ATG16L1: variants seen among roughly 807,000 people sequenced by gnomAD.
The protein encoded by ATG16L1 is autophagy-related protein 16-1.
ATG16L1 carries 37 observed loss-of-function variants against 88.5 expected under a neutral mutation model. The ratio of observed to expected loss-of-function variants is 0.42; its 90% CI spans 0.32 to 0.55. ATG16L1 has a LOEUF of 0.55. ATG16L1 is among the 20% of genes least tolerant of loss of function. The pLI is 0.13. For synonymous variants in ATG16L1, 301 were observed against 281.0 expected (o/e 1.07, Z -0.71); for missense variants, 554 against 752.8 (o/e 0.74, Z 3.09).
chr2:233,292,481 C>A (rs1699526397), intron 16 of ATG16L1, 47 bp downstream of exon 16: 1 of 1,609,888 alleles, frequency 6.2e-7, no homozygotes, highest in Admixed American at 1.7e-5. Flanking sequence ...CACAAAGAGT[C>A]CTGCATGGGC....
At position 233,251,725 on chromosome 2, in the gene ATG16L1, G is replaced by A. The variant is rs993036024; in HGVS notation, c.-103G>A. The A allele has an allele frequency of 9.7e-7, 1 of 1,034,072 alleles. No individual in the cohort carries two copies. The highest frequency in any genetic ancestry group is 2.7e-5 in the East Asian group (1 of 37,684). 64.1% of individuals were successfully genotyped at this position (1,034,072 alleles called of 1,614,324 possible). A position where few individuals can be genotyped will look rare whatever the true frequency, so the allele number is the denominator to read the frequency against. On this transcript the variant is annotated 5_prime_UTR_variant, in exon 1 of 18. Coordinates refer to ENST00000392017, the MANE Select transcript of ATG16L1 (RefSeq NM_030803.7). ...GCCAGTGTGTGGAGGTGAGCTCCGGGATTGCCGGCATTCCCGCTTCTGCTG... is the reference window on the plus strand; with the variant it reads ...GCCAGTGTGTGGAGGTGAGCTCCGGAATTGCCGGCATTCCCGCTTCTGCTG...
chr2:233,252,156 C>T (rs922678189), intron 1 of ATG16L1, among the ~76,000 whole-genome samples: 2 of 152,250 alleles, frequency 1.3e-5, no homozygotes, highest in South Asian at 2.1e-4. Context: ...ATTGTACGAT[C>T]TTTGTGGGGA....
chr2:233,252,208 A>G (rs1696421931), intron 1 of ATG16L1, among the ~76,000 whole-genome samples: 1 of 152,248 alleles, frequency 6.6e-6, no homozygotes, highest in Non-Finnish European at 1.5e-5. Context: ...AGTAGCTCAT[A>G]CAATGCTTAT....
intron 17 of ATG16L1, among the ~76,000 whole-genome samples, chr2:233,293,660 ACT>A (rs1383672665): frequency 6.7e-6 from 1 of 150,108 alleles, no homozygotes; most frequent in Non-Finnish European, 1.5e-5. Flanking sequence ...CCCCTTCCCT[ACT>A]CTCCTTCCTT....
chr2:233,292,181 A>G lies in ATG16L1; in HGVS notation c.1484A>G (p.Asp495Gly). 6.2e-7 allele frequency: 1 copy of G among 1,614,212 alleles called. No homozygotes were observed. The highest frequency in any genetic ancestry group is 8.5e-7 in the Non-Finnish European group (1 of 1,180,040). The change falls in exon 15 of 18, where the codon GAC becomes GGC. Residue 495 changes from aspartate to glycine, a missense_variant. Around this residue, in one of 5 missense-constraint regions of ATG16L1, gnomAD observed 370 missense variants for 509.7 expected, o/e 0.73. Transcript: ENST00000392017. Reference sequence around the variant, plus strand: ...CTGTTGGGAAAGATTACTGCCCTGGACTTAAACCCAGAAAGGACTGAGCTC... The same window carrying G: ...CTGTTGGGAAAGATTACTGCCCTGGGCTTAAACCCAGAAAGGACTGAGCTC... ...MELLGKITAL[D>G]LNPERTELLS...
intron 7 of ATG16L1, 80 bp downstream of exon 7, chr2:233,273,132 G>T: frequency 8.6e-7 from 1 of 1,164,312 alleles, no homozygotes; most frequent in Non-Finnish European, 1.3e-6. Flanking sequence ...GACAAAGAAT[G>T]CAGTCAGATG....
chr2:233,281,320 A>G (rs1698706287), intron 11 of ATG16L1, 145 bp downstream of exon 11: 4 of 656,736 alleles, frequency 6.1e-6, no homozygotes, highest in Non-Finnish European at 1.0e-5. Context: ...ATGGAAATAG[A>G]TTATAGGGTT....
chr2:233,265,501 G>A (rs1449081547), intron 5 of ATG16L1, among the ~76,000 whole-genome samples: 1 of 152,014 alleles, frequency 6.6e-6, no homozygotes, highest in East Asian at 1.9e-4. Flanking sequence ...ACAGAGTCTC[G>A]CTCTGTTGCC....
At chr2:233,292,019 G>T in intron 14 of ATG16L1, 109 bp from the exon 15 acceptor site, 1 of 1,305,604 alleles carries the variant, frequency 7.7e-7, no homozygotes, top group Non-Finnish European at 1.1e-6. Flanking sequence ...GACTGCGCTG[G>T]CAGAGCGTTG....
At chr2:233,288,717 C>T (rs753023027) in intron 12 of ATG16L1, 2 of 515,778 alleles carry the variant, frequency 3.9e-6, no homozygotes, top group East Asian at 1.1e-4. Flanking sequence ...CTCAGATCCC[C>T]TCCCGGCATC....
intron 5 of ATG16L1, among the ~76,000 whole-genome samples, chr2:233,266,567 TGAC>T (rs970546572): frequency 1.1e-4 from 17 of 152,118 alleles, no homozygotes; most frequent in African/African-American, 4.1e-4. Context: ...AGTGAATAAA[TGAC>T]AATAGGAAAG....
At chr2:233,292,060 T>TC (rs1363042802) in intron 14 of ATG16L1, 68 bp from the exon 15 acceptor site, 4 of 1,561,808 alleles carry the variant, frequency 2.6e-6, no homozygotes, top group Non-Finnish European at 2.6e-6. Context: ...GCCTTTTTTT[T>TC]CCTCCACGGC....
chr2:233,294,213 C>G (rs1471679235), intron 17 of ATG16L1, 44 bp from the exon 18 acceptor site: 1 of 1,477,118 alleles, frequency 6.8e-7, no homozygotes, highest in Non-Finnish European at 9.2e-7. Flanking sequence ...GATCTCATCC[C>G]AAATGTTCTG....
Position 233,294,376 on chromosome 2 carries a change from C to A in ATG16L1, c.*26C>A. The A allele has an allele frequency of 6.3e-7, 1 of 1,585,784 alleles. No homozygotes were observed. The highest frequency in any genetic ancestry group is 1.1e-5 in the South Asian group (1 of 90,230). ...CGGGGCTCTCAGGGCTGGGAGGACC[C>A]CAGTGCCCTCCTCAGAAGAAGCACA... On this transcript the variant is annotated 3_prime_UTR_variant, in exon 18 of 18. Transcript: ENST00000392017.
chr2:233,292,318 A>G (rs766071807), intron 15 of ATG16L1, 41 bp downstream of exon 15: 2 of 1,611,114 alleles, frequency 1.2e-6, no homozygotes, highest in Non-Finnish European at 1.7e-6. Context: ...CCAGAGGCCC[A>G]GCCCTGCTCT....
chr2:233,282,577 A>G lies in ATG16L1; in HGVS notation c.1132-105A>G, dbSNP rs562188902. 5.1e-6 allele frequency: 5 copies of G among 980,878 alleles called. No individual in the cohort carries two copies. The African/African-American group carries it at 6.4e-5, about 13-fold the overall frequency. 60.8% of individuals were successfully genotyped at this position (980,878 alleles called of 1,614,324 possible). On this transcript the variant is annotated intron_variant, in intron 11 of 17. Coordinates refer to ENST00000392017, the MANE Select transcript of ATG16L1 (RefSeq NM_030803.7). Reference sequence around the variant, plus strand: ...TATTCAGGCTGGTTGTATAGGGTGAAGCATCTAAACCTTCTTGTACTTGAT... The same window carrying G: ...TATTCAGGCTGGTTGTATAGGGTGAGGCATCTAAACCTTCTTGTACTTGAT...
chr2:233,255,983 T>C, intron 1 of ATG16L1, 119 bp from the exon 2 acceptor site: 1 of 745,088 alleles, frequency 1.3e-6, no homozygotes, highest in South Asian at 1.9e-5. Context: ...TGTAGGTTAC[T>C]GTGGCTGAGG....
At chr2:233,264,574 C>T (rs1182571644) in intron 4 of ATG16L1, among the ~76,000 whole-genome samples, 2 of 152,122 alleles carry the variant, frequency 1.3e-5, no homozygotes, top group Admixed American at 1.3e-4. Context: ...AAAGGCAGGG[C>T]GCTTGCTCAG....
At position 233,265,133 on chromosome 2, in the gene ATG16L1, A is replaced by G; in HGVS notation, c.631A>G (p.Lys211Glu). Residue 211 changes from lysine to glutamate, a missense_variant, in exon 5 of 18, where the codon AAA (lysine) becomes GAA (glutamate). This residue lies in a region of ATG16L1 where 370 missense variants were observed against 509.7 expected (regional missense o/e 0.73). Transcript: ENST00000392017. ...CAATCGGCTTAATGCAGAGAATGAA[A>G]AAGACTCCAGGTGGGCTATCAATCC... ...EANRLNAENE[K>E]DSRRRQARLQ... 1 of 1,614,020 alleles carries G rather than the reference A, an allele frequency of 6.2e-7. No individual in the cohort carries two copies. The highest frequency in any genetic ancestry group is 2.2e-5 in the East Asian group (1 of 44,884).
Sources: allele counts gnomAD v4.1 joint callset (sites outside exome capture counted in the v4.1 genomes callset), GRCh38; gene constraint gnomAD v4.1.1; regional missense constraint gnomAD v4.1.1; transcripts MANE v1.5; gene names NCBI Gene and HGNC (gene_info 2026-07-23, HGNC 2026-07-21).